NRG1: variants seen among roughly 807,000 people sequenced by gnomAD.
The protein encoded by NRG1 is pro-neuregulin-1, membrane-bound isoform.
Under a neutral mutation model 63.8 loss-of-function variants are expected in NRG1, and 18 were observed. The ratio of observed to expected loss-of-function variants is 0.28; its 90% CI spans 0.19 to 0.42. The LOEUF is 0.42. Among genes scored for constraint, NRG1 ranks in the 10% least tolerant of loss-of-function variants. NRG1 has a pLI of 1.00. For missense variants in NRG1, 762 were observed against 814.7 expected (o/e 0.94, Z 0.79); for synonymous variants, 302 against 301.3 (o/e 1.00, Z -0.02).
intron 1 of NRG1, among the ~76,000 whole-genome samples, chr8:32,215,445 C>T (rs1845116700): frequency 6.6e-6 from 1 of 152,150 alleles, no homozygotes; most frequent in Non-Finnish European, 1.5e-5. Context: ...CTATGGTTTA[C>T]ACCTCTGAGC....
intron 1 of NRG1, among the ~76,000 whole-genome samples, chr8:31,935,265 C>T (rs1161802888): frequency 1.3e-5 from 2 of 151,564 alleles, no homozygotes; most frequent in East Asian, 3.9e-4. Flanking sequence ...CACAGACACA[C>T]ACCACCACAC....
intron 1 of NRG1, among the ~76,000 whole-genome samples, chr8:31,655,499 A>G (rs10109004): frequency 0.016 from 2,462 of 152,280 alleles, 83 homozygotes; most frequent in African/African-American, 0.056. Flanking sequence ...GGGGCAGAGA[A>G]GGTGAGGAAT....
rs111321703 is a variant in NRG1, at chr8:32,568,255, G to A, written c.100+19429G>A. Among the ~76,000 whole-genome samples, 65 of 152,262 alleles carry A rather than the reference G, an allele frequency of 4.3e-4. 1 individual carries two copies. The highest frequency in any genetic ancestry group is 1.6e-3 in the African/African-American group (65 of 41,550). ...ATCTCGAAGTGCTCGTTTCAATATT[G>A]AAGTTTCCTCCAAGTGAGCTGTTAT... On this transcript the variant is annotated intron_variant, in intron 1 of 11. Transcript: ENST00000356819.
chr8:31,906,512 A>G (rs1832533631), intron 1 of NRG1, among the ~76,000 whole-genome samples: 1 of 152,172 alleles, frequency 6.6e-6, no homozygotes, highest in Non-Finnish European at 1.5e-5. Context: ...CACCTCACCT[A>G]AGACTGAACA....
At chr8:32,471,531 T>A (rs1436756424) in intron 1 of NRG1, among the ~76,000 whole-genome samples, 1 of 152,174 alleles carries the variant, frequency 6.6e-6, no homozygotes, top group Non-Finnish European at 1.5e-5. Flanking sequence ...TAGAAGAATT[T>A]CTTATTTCAG....
intron 1 of NRG1, among the ~76,000 whole-genome samples, chr8:32,446,660 C>CAA (rs34552394): frequency 0.32 from 48,406 of 149,676 alleles, 8,049 homozygotes; most frequent in Admixed American, 0.46. Flanking sequence ...GTCTCAAAAA[C>CAA]AAAAAAAAAA....
At chr8:32,144,886 GTA>G (rs1441875136) in intron 1 of NRG1, among the ~76,000 whole-genome samples, 1 of 152,174 alleles carries the variant, frequency 6.6e-6, no homozygotes. Context: ...TTTGATGTAT[GTA>G]TGTGTGTGTT....
intron 1 of NRG1, among the ~76,000 whole-genome samples, chr8:32,467,252 G>A (rs767405529): frequency 2.6e-5 from 4 of 152,114 alleles, no homozygotes; most frequent in Non-Finnish European, 5.9e-5. Context: ...TGTTGTTTCT[G>A]CTTGGAATTT....
chr8:32,596,083 G>A, intron 2 of NRG1, 78 bp downstream of exon 2: 1 of 1,118,322 alleles, frequency 8.9e-7, no homozygotes, highest in Non-Finnish European at 1.2e-6. Flanking sequence ...ACCCTAATAA[G>A]TGAATTTACT....
chr8:32,175,153 C>G (rs1216098296), intron 1 of NRG1, among the ~76,000 whole-genome samples: 1 of 152,170 alleles, frequency 6.6e-6, no homozygotes, highest in Non-Finnish European at 1.5e-5. Flanking sequence ...GGGCTTCATC[C>G]CTGGGATGCC....
intron 1 of NRG1, among the ~76,000 whole-genome samples, chr8:31,723,079 A>G (rs931423552): frequency 1.3e-5 from 2 of 152,204 alleles, no homozygotes; most frequent in African/African-American, 4.8e-5. Flanking sequence ...GGCAGAACTC[A>G]TCTTAGTAAA....
upstream of NRG1, among the ~76,000 whole-genome samples, chr8:32,547,629 A>G (rs964922962): frequency 2.0e-5 from 3 of 149,878 alleles, no homozygotes; most frequent in Non-Finnish European, 3.0e-5. Context: ...ACACACACGC[A>G]CACGGCGCAG....
At chr8:32,155,916 C>T (rs1232212153) in intron 1 of NRG1, among the ~76,000 whole-genome samples, 1 of 152,174 alleles carries the variant, frequency 6.6e-6, no homozygotes, top group Non-Finnish European at 1.5e-5. Flanking sequence ...TTTCTCTCTT[C>T]CATGATATCC....
chr8:32,727,112 G>A (rs1382480940), intron 5 of NRG1, among the ~76,000 whole-genome samples: 2 of 152,122 alleles, frequency 1.3e-5, no homozygotes, highest in South Asian at 4.1e-4. Flanking sequence ...GTGGCCTGGG[G>A]CTGAGAGCTT....
At chr8:32,760,358 A>G (rs1371450002) in exon 11 of NRG1, 3 of 1,614,062 alleles carry the variant, frequency 1.9e-6, no homozygotes, top group Non-Finnish European at 2.5e-6. Context: ...TTCCTCAGGC[A>G]TGCCAGAGAA....
chr8:32,278,978 G>T (rs531529372), intron 1 of NRG1, among the ~76,000 whole-genome samples: 2 of 152,294 alleles, frequency 1.3e-5, no homozygotes, highest in African/African-American at 4.8e-5. Context: ...GTTTGCCTTG[G>T]ATTTAACCAG....
chr8:31,716,737 G>C (rs4305860), intron 1 of NRG1, among the ~76,000 whole-genome samples: 34,493 of 152,032 alleles, frequency 0.23, 4,861 homozygotes, highest in East Asian at 0.67. Context: ...GTCTAAATAC[G>C]GTTCTAATTT....
chr8:32,194,915 T>A (rs1461871091), intron 1 of NRG1, among the ~76,000 whole-genome samples: 1 of 152,172 alleles, frequency 6.6e-6, no homozygotes, highest in East Asian at 1.9e-4. Flanking sequence ...GAAAAAAAGA[T>A]TTCTAAATAT....
chr8:32,486,171 A>T (rs1240323730), intron 1 of NRG1, among the ~76,000 whole-genome samples: 5 of 152,068 alleles, frequency 3.3e-5, no homozygotes, highest in African/African-American at 1.2e-4. Flanking sequence ...ACCTCAAGGG[A>T]TCTGCCCACT....
Sources: gnomAD v4.1 joint callset for allele counts (sites outside exome capture counted in the v4.1 genomes callset) on GRCh38, gnomAD v4.1.1 for gene constraint, MANE v1.5 for transcripts, NCBI Gene and HGNC (gene_info 2026-07-23, HGNC 2026-07-21) for gene names.